The following PCDHA1 variants were observed in gnomAD, a reference collection of about 807,000 sequenced individuals.
PCDHA1 encodes the protein protocadherin alpha-1.
In PCDHA1, 42 loss-of-function variants were observed where a neutral mutation model predicts 61.3. That is an observed-to-expected ratio of 0.69 (90% CI 0.54 to 0.89). PCDHA1 has a LOEUF of 0.89. PCDHA1 is among the 40% of genes least tolerant of loss of function. The probability of loss-of-function intolerance (pLI) is 0.00; values close to 1 mark genes in which losing one functional copy is unlikely to be tolerated. For synonymous variants in PCDHA1, 610 were observed against 553.8 expected (o/e 1.10, Z -1.43); for missense variants, 1,256 against 1,235.3 (o/e 1.02, Z -0.25).
chr5:140,803,175 ACCG>A (rs1763136206), intron 1 of PCDHA1: 1 of 1,613,716 alleles, frequency 6.2e-7, no homozygotes, highest in African/African-American at 1.3e-5. Flanking sequence ...ACCCTCATTG[ACCG>A]CCACGGCCAC....
intron 1 of PCDHA1, among the ~76,000 whole-genome samples, chr5:140,914,530 C>T (rs1305035760): frequency 1.3e-5 from 2 of 152,096 alleles, no homozygotes; most frequent in African/African-American, 2.4e-5. Flanking sequence ...ATCCATTCAG[C>T]CACTTTATTT....
chr5:140,858,380 C>G, intron 1 of PCDHA1: 1 of 1,583,962 alleles, frequency 6.3e-7, no homozygotes, highest in South Asian at 1.1e-5. Context: ...TCCACCATGC[C>G]CAATGGTAGA....
At position 140,796,254 on chromosome 5, in the gene PCDHA1, G is replaced by A. The variant is rs782818111; in HGVS notation, c.2394+7570G>A. The A allele has an allele frequency of 2.5e-6, 4 of 1,614,136 alleles. No individual in the cohort carries two copies. The South Asian group carries it at 3.3e-5, about 13-fold the overall frequency. On this transcript the variant is annotated intron_variant, in intron 1 of 3. Coordinates refer to ENST00000504120, the MANE Select transcript of PCDHA1 (RefSeq NM_018900.4). The stretch of plus-strand genomic sequence containing the variant: ...AGCTGGTGGTGACCGCACGGGACGG[G>A]GGCTCGCCTTCACTGTGGGCCACCA...
At chr5:140,862,775 A>C (rs1480702653) in intron 1 of PCDHA1, 4 of 576,960 alleles carry the variant, frequency 6.9e-6, no homozygotes, top group Non-Finnish European at 1.3e-5. Flanking sequence ...TACGCGTTGC[A>C]GCCACTGGAC....
intron 1 of PCDHA1, among the ~76,000 whole-genome samples, chr5:140,972,762 A>G (rs1048509158): frequency 4.7e-5 from 7 of 150,026 alleles, no homozygotes; most frequent in African/African-American, 1.7e-4. Context: ...CTCCCAAGTT[A>G]AAGTGATTCT....
At chr5:140,824,477 T>G (rs1390927264) in intron 1 of PCDHA1, 4 of 386,518 alleles carry the variant, frequency 1.0e-5, no homozygotes, top group Non-Finnish European at 1.8e-5. Context: ...TTATTGTTAT[T>G]TTTTAGAGAC....
chr5:140,807,165 G>A (rs1444375886), intron 1 of PCDHA1: 1 of 1,603,928 alleles, frequency 6.2e-7, no homozygotes, highest in Non-Finnish European at 8.5e-7. Context: ...TATTTAATCA[G>A]AACAAAATAC....
At chr5:140,968,508 A>T in intron 1 of PCDHA1, 1 of 1,614,068 alleles carries the variant, frequency 6.2e-7, no homozygotes. Flanking sequence ...CACATTCTGT[A>T]CCCTACCTCA....
chr5:140,856,897 G>C, intron 1 of PCDHA1: 1 of 1,596,350 alleles, frequency 6.3e-7, no homozygotes, highest in Non-Finnish European at 8.6e-7. Flanking sequence ...TTAGCTCTTT[G>C]GTCCCACCCA....
chr5:140,893,667 A>C (rs564806011), intron 1 of PCDHA1, among the ~76,000 whole-genome samples: 4 of 152,316 alleles, frequency 2.6e-5, no homozygotes, highest in African/African-American at 9.6e-5. Flanking sequence ...AAAAAATTTC[A>C]GCACTTTGGA....
chr5:140,896,467 G>A (rs191220082), intron 1 of PCDHA1, among the ~76,000 whole-genome samples: 1,607 of 151,540 alleles, frequency 0.011, 16 homozygotes, highest in African/African-American at 0.028. Context: ...GGTTCAAGCG[G>A]TTCTCCTGCC....
chr5:140,900,518 C>G (rs1444768233), intron 1 of PCDHA1, among the ~76,000 whole-genome samples: 1 of 152,228 alleles, frequency 6.6e-6, no homozygotes, highest in Admixed American at 6.5e-5. Flanking sequence ...CTCAGGTGAT[C>G]TGCCCACCTC....
intron 1 of PCDHA1, chr5:140,870,781 A>T: frequency 2.5e-6 from 4 of 1,613,654 alleles, no homozygotes; most frequent in Non-Finnish European, 3.4e-6. Flanking sequence ...CGAGAACGAC[A>T]ACGCGCCGGC....
At chr5:140,897,086 T>G (rs527763854) in intron 1 of PCDHA1, among the ~76,000 whole-genome samples, 379 of 152,296 alleles carry the variant, frequency 2.5e-3, no homozygotes, top group African/African-American at 8.4e-3. Context: ...TTCTATTTTT[T>G]ATCCTCATTA....
At position 140,854,145 on chromosome 5, in the gene PCDHA1, G is replaced by T. The variant is rs1403834220; in HGVS notation, c.2394+65461G>T. ...CAACTGCATTTCAGCCCGGGTGACA[G>T]CAAGATTCTGTCTCAAAAAAAAAAA... On this transcript the variant is annotated intron_variant, in intron 1 of 3. Coordinates refer to ENST00000504120, the MANE Select transcript of PCDHA1 (RefSeq NM_018900.4). The T allele has an allele frequency of 1.6e-5, 7 of 435,310 alleles. 1 individual carries two copies. The highest frequency in any genetic ancestry group is 2.0e-5 in the Non-Finnish European group (7 of 352,084). The allele number at this position is 435,310 out of a possible 1,614,324, so 27.0% of individuals were successfully genotyped here.
At chr5:140,890,781 A>G (rs2153431855) in intron 1 of PCDHA1, among the ~76,000 whole-genome samples, 1 of 152,280 alleles carries the variant, frequency 6.6e-6, no homozygotes, top group African/African-American at 2.4e-5. Context: ...ACCCCATAAG[A>G]TATTAGTATT....
chr5:140,939,956 A>G (rs2092504641), intron 1 of PCDHA1, among the ~76,000 whole-genome samples: 1 of 152,234 alleles, frequency 6.6e-6, no homozygotes, highest in Non-Finnish European at 1.5e-5. Context: ...AAATTATGTT[A>G]AAGTGTTCCA....
intron 1 of PCDHA1, chr5:140,830,124 C>A (rs1490985098): frequency 9.3e-6 from 15 of 1,613,462 alleles, no homozygotes; most frequent in Non-Finnish European, 1.3e-5. Flanking sequence ...GCTCCAAAGG[C>A]GTCATCACGG....
chr5:140,928,917 G>A (rs181013464), intron 1 of PCDHA1: 4 of 1,614,134 alleles, frequency 2.5e-6, no homozygotes, highest in Admixed American at 1.7e-5. Context: ...AACCAGGAGG[G>A]CAGCTTTCTG....
Sources: gnomAD v4.1 joint callset for allele counts (sites outside exome capture counted in the v4.1 genomes callset) on GRCh38, gnomAD v4.1.1 for gene constraint, MANE v1.5 for transcripts, NCBI Gene and HGNC (gene_info 2026-07-23, HGNC 2026-07-21) for gene names.